The following TTLL9 variants were observed in gnomAD, a reference collection of about 807,000 sequenced individuals.
TTLL9 encodes the protein tubulin tyrosine ligase like 9, also known as probable tubulin polyglutamylase TTLL9.
Under a neutral mutation model 65.6 loss-of-function variants are expected in TTLL9, and 47 were observed. That is an observed-to-expected ratio of 0.72 (90% CI 0.57 to 0.91). TTLL9 has a LOEUF of 0.91. Among genes scored for constraint, TTLL9 ranks in the 40% least tolerant of loss-of-function variants. The pLI is 0.00. For synonymous variants in TTLL9, 179 were observed against 204.8 expected (o/e 0.87, Z 1.07); for missense variants, 537 against 568.8 (o/e 0.94, Z 0.57).
chr20:31,898,423 C>T (rs1384349462), intron 3 of TTLL9, 50 bp from the exon 4 acceptor site: 6 of 1,551,612 alleles, frequency 3.9e-6, no homozygotes, highest in Non-Finnish European at 5.3e-6. Flanking sequence ...CTTGCGCCAT[C>T]CTAGGAAAAT....
chr20:31,882,684 G>T (rs775634711), intron 2 of TTLL9, among the ~76,000 whole-genome samples: 5 of 152,164 alleles, frequency 3.3e-5, no homozygotes, highest in Non-Finnish European at 5.9e-5. Context: ...GTGGTTTGGG[G>T]AAAGTATTTA....
chr20:31,928,449 A>G (rs904551889), intron 10 of TTLL9, among the ~76,000 whole-genome samples: 7 of 151,780 alleles, frequency 4.6e-5, no homozygotes, highest in Admixed American at 3.3e-4. Flanking sequence ...CTAACTTTTA[A>G]AATAATTTTG....
At chr20:31,923,373 A>G (rs1389909445) in intron 8 of TTLL9, among the ~76,000 whole-genome samples, 1 of 152,166 alleles carries the variant, frequency 6.6e-6, no homozygotes, top group African/African-American at 2.4e-5. Flanking sequence ...GCTGCCCCTC[A>G]CCCTGCTCTC....
intron 2 of TTLL9, among the ~76,000 whole-genome samples, chr20:31,874,471 G>A (rs781707061): frequency 1.3e-5 from 2 of 150,368 alleles, no homozygotes; most frequent in Admixed American, 6.6e-5. Flanking sequence ...GAGTGCAATG[G>A]TGCAATCTCG....
chr20:31,898,681 G>A (rs183436158), intron 4 of TTLL9, 116 bp downstream of exon 4: 2 of 801,478 alleles, frequency 2.5e-6, no homozygotes, highest in East Asian at 5.2e-5. Flanking sequence ...CAAAGTGGCT[G>A]TGACATTTAT....
chr20:31,903,565 A>C (rs2063508210), intron 4 of TTLL9, among the ~76,000 whole-genome samples: 2 of 152,290 alleles, frequency 1.3e-5, no homozygotes, highest in Non-Finnish European at 2.9e-5. Context: ...AAGGTCACAA[A>C]GATTTACTCC....
At chr20:31,882,776 C>T (rs2063136578) in intron 2 of TTLL9, among the ~76,000 whole-genome samples, 1 of 152,086 alleles carries the variant, frequency 6.6e-6, no homozygotes. Context: ...TCTTGAAAAG[C>T]TTATTAACAC....
intron 10 of TTLL9, among the ~76,000 whole-genome samples, chr20:31,927,930 G>C (rs1478982990): frequency 1.3e-5 from 2 of 152,016 alleles, no homozygotes; most frequent in East Asian, 3.9e-4. Context: ...AGTATTTTTT[G>C]CAATTTGTTT....
At chr20:31,907,935 C>T (rs1423609195) in intron 4 of TTLL9, among the ~76,000 whole-genome samples, 1 of 152,140 alleles carries the variant, frequency 6.6e-6, no homozygotes. Context: ...CTCCTCCCCG[C>T]ACCCCAGCTC....
rs960036164 is a variant in TTLL9 at position 31,942,840 on chromosome 20, G to A, written c.1244-105G>A. 5 of 1,086,838 alleles carry A rather than the reference G, an allele frequency of 4.6e-6. No individual in the cohort carries two copies. In the South Asian group the frequency reaches 5.4e-5, roughly 12 times the overall value. The allele number at this position is 1,086,838 out of a possible 1,614,324, so 67.3% of individuals were successfully genotyped here. A position where few individuals can be genotyped will look rare whatever the true frequency, so the allele number is the denominator to read the frequency against. On this transcript the variant is annotated intron_variant, in intron 14 of 14. Coordinates refer to ENST00000535842, the MANE Select transcript of TTLL9 (RefSeq NM_001008409.5). ...TATAAACCACAGGCTGTGTGTGGTT[G>A]TCTGACTCCCGCTGTCCCCTCTTCC...
At chr20:31,901,943 G>C (rs760111145) in intron 4 of TTLL9, among the ~76,000 whole-genome samples, 3 of 152,096 alleles carry the variant, frequency 2.0e-5, no homozygotes, top group Non-Finnish European at 2.9e-5. Flanking sequence ...GTTTCCTCCT[G>C]TATCACTGGC....
intron 7 of TTLL9, among the ~76,000 whole-genome samples, chr20:31,921,265 A>AC (rs1229742092): frequency 6.6e-6 from 1 of 152,214 alleles, no homozygotes; most frequent in Non-Finnish European, 1.5e-5. Flanking sequence ...AATCAAAACC[A>AC]CAATGAGATA....
At chr20:31,896,520 G>GT (rs201821958) in intron 3 of TTLL9, among the ~76,000 whole-genome samples, 192 of 150,324 alleles carry the variant, frequency 1.3e-3, no homozygotes, top group Middle Eastern at 6.8e-3. Context: ...TGATTACATT[G>GT]TTTTTTTTGT....
Position 31,937,463 on chromosome 20 carries a change from A to G in TTLL9, c.1072A>G (p.Thr358Ala). 1 of 1,613,808 alleles carries G rather than the reference A, an allele frequency of 6.2e-7. No homozygotes were observed. The highest frequency in any genetic ancestry group is 8.5e-7 in the Non-Finnish European group (1 of 1,179,860). ...ASSQEDYELK[T>A]CLLEDTLHVV... is the part of the protein sequence containing the mutation. ...CAGCCAGGAAGACTATGAGCTCAAGACCTGCCTCCTGGAAGACACCCTGCA... is the reference window on the plus strand; with the variant it reads ...CAGCCAGGAAGACTATGAGCTCAAGGCCTGCCTCCTGGAAGACACCCTGCA... Residue 358 changes from threonine to alanine, a missense_variant, in exon 13 of 15, where the codon ACC becomes GCC. Physicochemically the swap from Thr to Ala is moderately conservative, Grantham distance 58. Transcript: ENST00000535842.
intron 3 of TTLL9, among the ~76,000 whole-genome samples, chr20:31,890,062 T>C (rs1277126748): frequency 5.4e-5 from 6 of 111,392 alleles, no homozygotes; most frequent in African/African-American, 8.0e-5. Context: ...TTCTTTCTCT[T>C]TCTTTCTTGC....
chr20:31,891,202 A>G (rs572244925), intron 3 of TTLL9, among the ~76,000 whole-genome samples: 2 of 152,158 alleles, frequency 1.3e-5, no homozygotes, highest in African/African-American at 4.8e-5. Context: ...ATTGTTGCCA[A>G]AACTTGGACC....
At chr20:31,928,729 A>C (rs2063952717) in intron 10 of TTLL9, among the ~76,000 whole-genome samples, 2 of 152,214 alleles carry the variant, frequency 1.3e-5, no homozygotes, top group South Asian at 4.1e-4. Flanking sequence ...ATATCATGAC[A>C]TAGAAAGATA....
chr20:31,921,120 A>C (rs2063810387), intron 7 of TTLL9, among the ~76,000 whole-genome samples: 1 of 152,240 alleles, frequency 6.6e-6, no homozygotes, highest in African/African-American at 2.4e-5. Context: ...AGCCACATGC[A>C]GGATGTTGAG....
chr20:31,905,480 G>GC (rs1395461966), intron 4 of TTLL9, among the ~76,000 whole-genome samples: 1 of 152,186 alleles, frequency 6.6e-6, no homozygotes, highest in Admixed American at 6.5e-5. Context: ...GAAGGACCAG[G>GC]CCCCAGATTT....
Sources: allele counts gnomAD v4.1 joint callset (sites outside exome capture counted in the v4.1 genomes callset), GRCh38; gene constraint gnomAD v4.1.1; transcripts MANE v1.5; gene names NCBI Gene and HGNC (gene_info 2026-07-23, HGNC 2026-07-21).